The following PCDHGA2 variants were observed in gnomAD, a reference collection of about 807,000 sequenced individuals.
PCDHGA2 encodes protocadherin gamma subfamily A, 2, also known as protocadherin gamma-A2.
In PCDHGA2, 40 loss-of-function variants were observed where a neutral mutation model predicts 59.2. That is an observed-to-expected ratio of 0.68 (90% confidence interval 0.52 to 0.88). The LOEUF (loss-of-function observed/expected upper bound fraction) is 0.88, where lower values mean the gene tolerates loss of function less well. Ranked by LOEUF, PCDHGA2 falls within the 40% of genes least tolerant of loss-of-function variation. The pLI is 0.00. For missense variants in PCDHGA2, 1,226 were observed against 1,204.0 expected (o/e 1.02, Z -0.27); for synonymous variants, 560 against 526.0 (o/e 1.06, Z -0.89).
intron 1 of PCDHGA2, among the ~76,000 whole-genome samples, chr5:141,387,227 A>C (rs1220813655): frequency 1.3e-5 from 2 of 152,230 alleles, no homozygotes; most frequent in Non-Finnish European, 2.9e-5. Flanking sequence ...AAGTTGAAAT[A>C]AATCAACTTG....
At chr5:141,374,777 G>A (rs755463569) in intron 1 of PCDHGA2, 1 of 1,613,852 alleles carries the variant, frequency 6.2e-7, no homozygotes, top group South Asian at 1.1e-5. Context: ...TCTGGTAACA[G>A]TTCTAGATGT....
At chr5:141,443,538 G>C (rs768723399) in intron 1 of PCDHGA2, among the ~76,000 whole-genome samples, 11 of 152,118 alleles carry the variant, frequency 7.2e-5, no homozygotes. Flanking sequence ...TTTAAAGCTT[G>C]GGAAATTGTT....
intron 1 of PCDHGA2, chr5:141,398,793 A>G (rs376843278): frequency 2.5e-5 from 41 of 1,613,830 alleles, no homozygotes; most frequent in South Asian, 1.1e-5. Flanking sequence ...ATCCACCCCT[A>G]AGCGGCACCA....
chr5:141,348,553 T>C lies in PCDHGA2; in HGVS notation c.2424+7158T>C, dbSNP rs138665460. Among the ~76,000 whole-genome samples the C allele has an allele frequency of 3.3e-5, 5 of 152,352 alleles. No individual in the cohort carries two copies. The East Asian group carries it at 9.6e-4, about 29-fold the overall frequency. On this transcript the variant is annotated intron_variant, in intron 1 of 3. Transcript: ENST00000394576. ...TCAAAGATAATTTCTAAGAATTCTA[T>C]ATGAAACATAGCCTACATATGTGTC...
rs1242637725 is a variant in PCDHGA2 at position 141,432,619 on chromosome 5, T to G, written c.2425-62188T>G. 3.1e-6 allele frequency: 5 copies of G among 1,612,618 alleles called. No homozygotes were observed. The highest frequency in any genetic ancestry group is 1.7e-5 in the Admixed American group (1 of 59,934). On this transcript the variant is annotated intron_variant, in intron 1 of 3. Transcript: ENST00000394576. This position sits in a 1 kb window ranked among gnomAD's most constrained non-coding sequence, Gnocchi z 6.0. ...GCGAGCCGGGACTCTTCTCGGTGGG[T>G]CTGCACACGGGCGAGGTGCGCACGG... is the stretch of plus-strand genomic sequence containing the variant.
intron 1 of PCDHGA2, chr5:141,356,801 C>A (rs369350823): frequency 6.2e-7 from 1 of 1,614,040 alleles, no homozygotes; most frequent in Non-Finnish European, 8.5e-7. Flanking sequence ...CTGATGACAG[C>A]CAGTGACAGT....
chr5:141,511,055 A>ATG lies in PCDHGA2; in HGVS notation c.2683_2684dup (p.Tyr896SerfsTer10). 1 of 1,614,218 alleles carries ATG rather than the reference A, an allele frequency of 6.2e-7. No individual in the cohort carries two copies. The highest frequency in any genetic ancestry group is 8.5e-7 in the Non-Finnish European group (1 of 1,180,026). On this transcript the variant is annotated frameshift_variant, in exon 4 of 4. Coordinates refer to ENST00000394576, the MANE Select transcript of PCDHGA2 (RefSeq NM_018915.4). LOFTEE classifies it high-confidence loss of function. Reference sequence around the variant, plus strand: ...CAGCACGTGCCCGACTACCGCCAGAATGTCTACATCCCAGGCAGCAATGCC... The same window carrying ATG: ...CAGCACGTGCCCGACTACCGCCAGAATGTGTCTACATCCCAGGCAGCAATGCC...
chr5:141,369,135 G>A (rs1312211190), intron 1 of PCDHGA2, among the ~76,000 whole-genome samples: 2 of 152,130 alleles, frequency 1.3e-5, no homozygotes, highest in African/African-American at 4.8e-5. Context: ...CAGAAACATG[G>A]AAAATGGCAT....
intron 1 of PCDHGA2, among the ~76,000 whole-genome samples, chr5:141,381,932 C>A (rs1205042648): frequency 2.1e-5 from 3 of 144,772 alleles, no homozygotes; most frequent in Non-Finnish European, 4.5e-5. Flanking sequence ...CGGGTTCAAG[C>A]GATTTTCCTG....
Position 141,432,089 on chromosome 5 carries a change from G to A in PCDHGA2, c.2425-62718G>A, listed in dbSNP as rs1325165974. On this transcript the variant is annotated intron_variant, in intron 1 of 3. Transcript: ENST00000394576. The surrounding 1 kb of genome is among the most constrained non-coding windows in gnomAD (Gnocchi z 6.0). Reference sequence around the variant, plus strand: ...AACTCATATCTCGCTGAACGTGGCAGACACCAACGACAACCCGCCGGTCTT... The same window carrying A: ...AACTCATATCTCGCTGAACGTGGCAAACACCAACGACAACCCGCCGGTCTT... The A allele has an allele frequency of 6.2e-7, 1 of 1,614,046 alleles. No homozygotes were observed. Among genetic ancestry groups the A allele is most frequent in the Non-Finnish European group, 8.5e-7 (1 of 1,180,052 alleles).
At chr5:141,365,872 G>A (rs1172437111) in intron 1 of PCDHGA2, 1 of 1,614,088 alleles carries the variant, frequency 6.2e-7, no homozygotes, top group African/African-American at 1.3e-5. Flanking sequence ...CCGGTGTCCT[G>A]TATGCTCTGA....
In PCDHGA2 at chr5:141,491,607, T is replaced by G; in HGVS notation, c.2425-3200T>G. On this transcript the variant is annotated intron_variant, in intron 1 of 3. Coordinates refer to ENST00000394576, the MANE Select transcript of PCDHGA2 (RefSeq NM_018915.4). The surrounding 1 kb of genome is among the most constrained non-coding windows in gnomAD (Gnocchi z 6.9). ...CCTCGGACGGCAGTGACTTCACTTT[T>G]CTAAGACCCCTCAGCGTTCAGCAGC... 6.2e-7 allele frequency: 1 copy of G among 1,613,932 alleles called. No homozygotes were observed. The highest frequency in any genetic ancestry group is 1.1e-5 in the South Asian group (1 of 91,084).
At chr5:141,357,068 C>T in intron 1 of PCDHGA2, 3 of 1,613,990 alleles carry the variant, frequency 1.9e-6, no homozygotes, top group Non-Finnish European at 2.5e-6. Context: ...GGGCTGCACA[C>T]AGGCGAGGTG....
At position 141,389,758 on chromosome 5, in the gene PCDHGA2, G is replaced by T. The variant is rs201153580; in HGVS notation, c.2424+48363G>T. On this transcript the variant is annotated intron_variant, in intron 1 of 3. Transcript: ENST00000394576. Reference sequence around the variant, plus strand: ...CTGGGGCTGCGCACGGGCGAAGTGCGCACAGCGCGTGCCTTAGGCGACAGG... The same window carrying T: ...CTGGGGCTGCGCACGGGCGAAGTGCTCACAGCGCGTGCCTTAGGCGACAGG... The T allele has an allele frequency of 1.4e-4, 224 of 1,612,792 alleles. No homozygotes were observed. The African/African-American group carries it at 2.7e-3, about 19-fold the overall frequency.
chr5:141,413,832 C>T, intron 1 of PCDHGA2: 1 of 1,613,228 alleles, frequency 6.2e-7, no homozygotes. Context: ...TCACCGCCTC[C>T]GACGGGGGTG....
rs1369501221 is a variant in PCDHGA2 at position 141,493,257 on chromosome 5, A to G, written c.2425-1550A>G. On this transcript the variant is annotated intron_variant, in intron 1 of 3. Coordinates refer to ENST00000394576, the MANE Select transcript of PCDHGA2 (RefSeq NM_018915.4). The surrounding 1 kb of genome is among the most constrained non-coding windows in gnomAD (Gnocchi z 4.3). ...GGCTAGGTACTAACATGCCTCTCTT[A>G]TAACAGCTTCACAGAGGTCAAGTGA... Among the ~76,000 whole-genome samples the G allele has an allele frequency of 6.6e-6, 1 of 152,190 alleles. No individual in the cohort carries two copies. Among genetic ancestry groups the G allele is most frequent in the South Asian group, 2.1e-4 (1 of 4,830 alleles).
At chr5:141,351,082 CACCTATGCCT>C (rs1561499297) in intron 1 of PCDHGA2, 12 of 1,614,062 alleles carry the variant, frequency 7.4e-6, no homozygotes, top group Non-Finnish European at 9.3e-6. Flanking sequence ...ATGCAGAGAT[CACCTATGCCT>C]TCCTCAATTC....
At chr5:141,407,385 T>A (rs1306044111) in intron 1 of PCDHGA2, among the ~76,000 whole-genome samples, 1 of 152,228 alleles carries the variant, frequency 6.6e-6, no homozygotes, top group South Asian at 2.1e-4. Flanking sequence ...GGCTTGTATG[T>A]CATGGTAGGT....
In PCDHGA2 at chr5:141,431,141, G is replaced by A. The variant is rs1262504427; in HGVS notation, c.2425-63666G>A. 24 of 1,614,212 alleles carry A rather than the reference G, an allele frequency of 1.5e-5. No individual in the cohort carries two copies. The highest frequency in any genetic ancestry group is 2.0e-5 in the Non-Finnish European group (24 of 1,180,030). On this transcript the variant is annotated intron_variant, in intron 1 of 3. Coordinates refer to ENST00000394576, the MANE Select transcript of PCDHGA2 (RefSeq NM_018915.4). The surrounding 1 kb of genome is among the most constrained non-coding windows in gnomAD (Gnocchi z 4.8). ...AGAAGTAGAAGTAAGGGACATTAAC[G>A]ACAATGCGCCTTACTTTCGTGAAAG...
Sources: gnomAD v4.1 joint callset for allele counts (sites outside exome capture counted in the v4.1 genomes callset) on GRCh38, gnomAD v4.1.1 for gene constraint, Gnocchi (gnomAD v3.1) non-coding constraint, MANE v1.5 for transcripts, NCBI Gene and HGNC (gene_info 2026-07-23, HGNC 2026-07-21) for gene names.